The following ROGDI variants were observed in gnomAD, a reference collection of about 807,000 sequenced individuals.
The protein encoded by ROGDI is rogdi atypical leucine zipper.
In ROGDI, 46 loss-of-function variants were observed where a neutral mutation model predicts 43.1. The observed-to-expected ratio is 1.07, with a 90% CI of 0.84 to 1.37. The LOEUF (loss-of-function observed/expected upper bound fraction) is 1.37. ROGDI is among the 40% of genes most tolerant of loss of function. The probability of loss-of-function intolerance (pLI) is 0.00; values close to 1 mark genes in which losing one functional copy is unlikely to be tolerated. For synonymous variants in ROGDI, 243 were observed against 162.0 expected (o/e 1.50, Z -3.80); for missense variants, 518 against 383.9 (o/e 1.35, Z -2.92).
intron 6 of ROGDI, 134 bp downstream of exon 6, chr16:4,799,552 G>A (rs2082692550): frequency 1.6e-6 from 1 of 620,420 alleles, no homozygotes; most frequent in Non-Finnish European, 2.8e-6. Flanking sequence ...GGTAGAAATG[G>A]AGACACAGAG....
intron 6 of ROGDI, chr16:4,798,902 C>T (rs1003880825): frequency 3.7e-6 from 2 of 543,544 alleles, no homozygotes; most frequent in African/African-American, 3.9e-5. Context: ...CACGGGGATC[C>T]TGGGTGCTGG....
At chr16:4,801,158 G>A in intron 4 of ROGDI, 109 bp downstream of exon 4, 1 of 855,210 alleles carries the variant, frequency 1.2e-6, no homozygotes, top group Non-Finnish European at 1.8e-6. Context: ...TGAGGCCAGA[G>A]AGATCAAGGG....
rs773049349 is a variant in ROGDI at position 4,801,277 on chromosome 16, A to T, written c.245T>A (p.Leu82His). The change falls in exon 4 of 11, where the codon CTC (leucine) becomes CAC (histidine). Residue 82 changes from leucine (L) to histidine (H), a missense_variant. Physicochemically the swap from Leu to His is moderately conservative, Grantham distance 99. Coordinates refer to ENST00000322048, the MANE Select transcript of ROGDI (RefSeq NM_024589.3). ...GGCCGGGGGACTCACCGCCTGGCTG[A>T]GGGCATCCCCCTGCAGAGTCAGCAC... is the stretch of plus-strand genomic sequence containing the variant. ...KGVLTLQGDA[L>H]SQADVNLKMP... 1 of 1,607,386 alleles carries T rather than the reference A, an allele frequency of 6.2e-7. No individual in the cohort carries two copies. The highest frequency in any genetic ancestry group is 1.7e-5 in the Admixed American group (1 of 59,522).
rs550853999 is a variant in ROGDI, at chr16:4,801,488, C to T, written c.200+15G>A. 6.3e-7 allele frequency: 1 copy of T among 1,597,348 alleles called. No homozygotes were observed. The highest frequency in any genetic ancestry group is 1.3e-5 in the African/African-American group (1 of 74,936). On this transcript the variant is annotated intron_variant, in intron 3 of 10. Transcript: ENST00000322048. ...AGGTACCCATTTCCCCGGTTTCCGC[C>T]TAGCCCAGGCTCACCCACAGCTGCC...
intron 3 of ROGDI, 48 bp from the exon 4 acceptor site, chr16:4,801,369 C>G (rs1369875470): frequency 6.3e-7 from 1 of 1,583,132 alleles, no homozygotes; most frequent in Admixed American, 1.7e-5. Context: ...CCCCCCACCA[C>G]CCAGCCCTCC....
intron 4 of ROGDI, 31 bp downstream of exon 4, chr16:4,801,236 G>C (rs2082711924): frequency 1.3e-6 from 2 of 1,566,804 alleles, no homozygotes; most frequent in African/African-American, 1.4e-5. Context: ...CCCATTGGCA[G>C]GATGGGAGGG....
intron 2 of ROGDI, 158 bp from the exon 3 acceptor site, chr16:4,801,743 C>T (rs2082724845): frequency 1.5e-6 from 1 of 655,184 alleles, no homozygotes; most frequent in Non-Finnish European, 2.7e-6. Flanking sequence ...CCTGCCCAAG[C>T]CCCCAGGGCA....
At chr16:4,802,054 G>A (rs2082733769) in intron 2 of ROGDI, 1 of 602,914 alleles carries the variant, frequency 1.7e-6, no homozygotes, top group African/African-American at 1.8e-5. Flanking sequence ...GGGAGGTTCA[G>A]TGACTTGGCT....
intron 2 of ROGDI, 111 bp downstream of exon 2, chr16:4,802,271 G>A (rs1323246807): frequency 2.0e-6 from 2 of 1,013,522 alleles, no homozygotes; most frequent in Admixed American, 2.1e-5. Context: ...TGAAAGCCGC[G>A]GCAGCCGCAC....
At position 4,802,293 on chromosome 16, in the gene ROGDI, T is replaced by C. The variant is rs533201987; in HGVS notation, c.117+89A>G. ...CGCGGCAGCCGCACACTGTAGGCGC[T>C]CAGGACGCAGCCGCGCGGCCCCAGG... On this transcript the variant is annotated intron_variant, in intron 2 of 10. Transcript: ENST00000322048. 112 of 1,248,276 alleles carry C rather than the reference T, an allele frequency of 9.0e-5. No homozygotes were observed. In the Middle Eastern group the frequency reaches 1.5e-3, roughly 17 times the overall value. 77.3% of individuals were successfully genotyped at this position (1,248,276 alleles called of 1,614,324 possible).
chr16:4,801,460 C>T lies in ROGDI; in HGVS notation c.200+43G>A, dbSNP rs150620958. The T allele has an allele frequency of 7.6e-6, 12 of 1,580,030 alleles. No homozygotes were observed. The Admixed American group carries it at 9.2e-5, about 12-fold the overall frequency. ...GGGCTATGGCCATGCCTCCTACCCC[C>T]CAAGGTACCCATTTCCCCGGTTTCC... On this transcript the variant is annotated intron_variant, in intron 3 of 10. Transcript: ENST00000322048.
chr16:4,801,578 G>T lies in ROGDI; in HGVS notation c.125C>A (p.Ser42Tyr). Residue 42 changes from serine to tyrosine, a missense_variant, in exon 3 of 11, where the codon TCT becomes TAT. Physicochemically the swap from Ser to Tyr is moderately radical, Grantham distance 144. Transcript: ENST00000322048. The part of the protein sequence containing the change: ...KQLQDILKEA[S>Y]LRFTLPGSGT... ...GGAGCCCGGCAGAGTGAAGCGCAGA[G>T]AGGCCTCCTGTGGAACAGAGGGAAG... The T allele has an allele frequency of 6.3e-7, 1 of 1,598,680 alleles. No homozygotes were observed.
intron 4 of ROGDI, chr16:4,800,789 G>C (rs985988626): frequency 1.5e-5 from 9 of 586,542 alleles, no homozygotes; most frequent in Non-Finnish European, 2.4e-5. Flanking sequence ...GAGCCACAAA[G>C]AAGTGAAATG....
intron 6 of ROGDI, among the ~76,000 whole-genome samples, chr16:4,799,244 C>A (rs1005913717): frequency 6.6e-6 from 1 of 151,978 alleles, no homozygotes. Flanking sequence ...GGGTATAGGG[C>A]CTGTAGCACC....
At chr16:4,798,260 C>G in intron 7 of ROGDI, 76 bp from the exon 8 acceptor site, 2 of 1,221,458 alleles carry the variant, frequency 1.6e-6, no homozygotes, top group Non-Finnish European at 2.4e-6. Context: ...TGCAGTCACT[C>G]ATGGAGTCTG....
Position 4,797,319 on chromosome 16 carries a change from C to T in ROGDI, c.*141G>A. ...TGGCACTTCCAGTGTCCATTCCCGG[C>T]AGTGCAAATGTGTTAGGTGGGGTAG... On this transcript the variant is annotated 3_prime_UTR_variant, in exon 11 of 11. Transcript: ENST00000322048. The T allele has an allele frequency of 1.4e-6, 1 of 727,664 alleles. No homozygotes were observed. Among genetic ancestry groups the T allele is most frequent in the Non-Finnish European group, 2.2e-6 (1 of 444,686 alleles). 45.1% of individuals were successfully genotyped at this position (727,664 alleles called of 1,614,324 possible). A position where few individuals can be genotyped will look rare whatever the true frequency, so the allele number is the denominator to read the frequency against.
intron 6 of ROGDI, 101 bp from the exon 7 acceptor site, chr16:4,798,768 C>G: frequency 9.9e-7 from 1 of 1,010,210 alleles, no homozygotes; most frequent in Admixed American, 2.3e-5. Flanking sequence ...CCAGTGGCTA[C>G]TGTTCCCAGG....
chr16:4,799,218 CG>C (rs1367724009), intron 6 of ROGDI, among the ~76,000 whole-genome samples: 4 of 152,024 alleles, frequency 2.6e-5, no homozygotes, highest in East Asian at 1.9e-4. Context: ...CCAGGAAACA[CG>C]TAAGAGCTGA....
chr16:4,800,751 T>G (rs1406231786), intron 4 of ROGDI, 173 bp from the exon 5 acceptor site: 2 of 581,108 alleles, frequency 3.4e-6, no homozygotes, highest in Non-Finnish European at 3.1e-6. Flanking sequence ...AACAGGGAGG[T>G]CAGGAAACAG....
Sources: allele counts gnomAD v4.1 joint callset (sites outside exome capture counted in the v4.1 genomes callset), GRCh38; gene constraint gnomAD v4.1.1; transcripts MANE v1.5; gene names NCBI Gene and HGNC (gene_info 2026-07-23, HGNC 2026-07-21).